The following TLK2 variants were observed in gnomAD, a reference collection of about 807,000 sequenced individuals.
TLK2 encodes the protein tousled like kinase 2.
Under a neutral mutation model 117.3 loss-of-function variants are expected in TLK2, and 6 were observed. That is an observed-to-expected ratio of 0.05 (90% CI 0.03 to 0.10). The LOEUF is 0.10. Ranked by LOEUF, TLK2 falls within the 10% of genes least tolerant of loss-of-function variation. The probability of loss-of-function intolerance (pLI) is 1.00; values close to 1 mark genes in which losing one functional copy is unlikely to be tolerated. For missense variants in TLK2, 299 were observed against 901.2 expected, an observed-to-expected ratio of 0.33 and a Z score of 8.56; for synonymous variants, 257 against 316.7, an observed-to-expected ratio of 0.81 and a Z score of 2.00.
At chr17:62,524,589 T>C (rs2076252391) in intron 6 of TLK2, among the ~76,000 whole-genome samples, 1 of 152,236 alleles carries the variant, frequency 6.6e-6, no homozygotes, top group Non-Finnish European at 1.5e-5. Context: ...TATCAAAGAA[T>C]TGATTCCAAT....
At chr17:62,539,573 G>A (rs533992818) in intron 7 of TLK2, among the ~76,000 whole-genome samples, 51 of 149,274 alleles carry the variant, frequency 3.4e-4, no homozygotes, top group African/African-American at 1.1e-3. Context: ...TCCATCTCCT[G>A]GGCTCAAGCG....
Position 62,568,706 on chromosome 17 carries a change from T to C in TLK2, c.968+3569T>C, listed in dbSNP as rs144611966. On this transcript the variant is annotated intron_variant, in intron 11 of 21. Coordinates refer to ENST00000346027, the MANE Select transcript of TLK2 (RefSeq NM_006852.6). ...TTCAAGTGATTCTCCTGCCTCAGCC[T>C]CCTCAGTAGCTGGGATTACAGGTGC... Among the ~76,000 whole-genome samples the C allele has an allele frequency of 2.9e-4, 44 of 152,014 alleles. No homozygotes were observed. The East Asian group carries it at 8.8e-3, about 30-fold the overall frequency.
chr17:62,539,642 G>A (rs553902252), intron 7 of TLK2, among the ~76,000 whole-genome samples: 1 of 152,100 alleles, frequency 6.6e-6, no homozygotes, highest in Admixed American at 6.5e-5. Flanking sequence ...ACCACGCCTG[G>A]CTGATTTTTG....
chr17:62,525,623 A>AT (rs1242650861), intron 6 of TLK2, among the ~76,000 whole-genome samples: 6 of 151,772 alleles, frequency 4.0e-5, no homozygotes, highest in Non-Finnish European at 7.4e-5. Flanking sequence ...TAATTTTTGT[A>AT]TTTTTTTGTA....
At chr17:62,513,555 G>A (rs2075328882) in intron 2 of TLK2, among the ~76,000 whole-genome samples, 1 of 151,778 alleles carries the variant, frequency 6.6e-6, no homozygotes, top group South Asian at 2.1e-4. Context: ...AAACTCCTGG[G>A]CTCAAGTGAT....
At chr17:62,549,528 G>T (rs1405340499) in intron 7 of TLK2, among the ~76,000 whole-genome samples, 1 of 150,124 alleles carries the variant, frequency 6.7e-6, no homozygotes, top group African/African-American at 2.4e-5. Flanking sequence ...GTATCCTAGT[G>T]CATTATAATA....
intron 2 of TLK2, among the ~76,000 whole-genome samples, chr17:62,511,839 A>G (rs1396969628): frequency 6.6e-6 from 1 of 152,100 alleles, no homozygotes; most frequent in Non-Finnish European, 1.5e-5. Flanking sequence ...GTTTGTTTCC[A>G]GTTTTTGGCT....
chr17:62,591,862 A>G (rs2082105963), intron 16 of TLK2, among the ~76,000 whole-genome samples: 1 of 152,060 alleles, frequency 6.6e-6, no homozygotes, highest in Non-Finnish European at 1.5e-5. Context: ...GTCTTTTCCA[A>G]CTAGCCTTAT....
rs2083917083 is a variant in TLK2 at position 62,613,209 on chromosome 17, T to G, written c.*644T>G. On this transcript the variant is annotated 3_prime_UTR_variant, in exon 22 of 22. Coordinates refer to ENST00000346027, the MANE Select transcript of TLK2 (RefSeq NM_006852.6). The stretch of plus-strand genomic sequence containing the variant: ...ATTTGGTCATAAAGTGAAACCCGTA[T>G]TAGCAAGTACGTGGCAATGTTCATT... 1 of 152,680 alleles carries G rather than the reference T, an allele frequency of 6.5e-6. No homozygotes were observed. Among genetic ancestry groups the G allele is most frequent in the South Asian group, 2.1e-4 (1 of 4,836 alleles). The allele number at this position is 152,680 out of a possible 1,614,324, so 9.5% of individuals were successfully genotyped here.
chr17:62,470,963 C>CAGCCAGGTGCAGGCACTGTCATGTT (rs1309169656), exon 1 of TLK2: 2 of 152,420 alleles, frequency 1.3e-5, no homozygotes, highest in East Asian at 3.8e-4. Context: ...CCTGACAGTT[C>CAGCCAGGTGCAGGCACTGTCATGTT]AGCCAGGTGC....
intron 11 of TLK2, among the ~76,000 whole-genome samples, chr17:62,570,860 G>T (rs949663976): frequency 6.6e-6 from 1 of 152,070 alleles, no homozygotes; most frequent in Non-Finnish European, 1.5e-5. Context: ...TTTGATGAAG[G>T]TGATTGCTAA....
At chr17:62,476,031 G>GA (rs1352830259), upstream of TLK2, among the ~76,000 whole-genome samples, 2 of 151,894 alleles carry the variant, frequency 1.3e-5, no homozygotes, top group African/African-American at 2.4e-5. Flanking sequence ...AGAATGGAGT[G>GA]CAGTGGTGCC....
intron 3 of TLK2, 81 bp from the exon 4 acceptor site, chr17:62,522,123 A>G: frequency 7.0e-7 from 1 of 1,434,250 alleles, no homozygotes; most frequent in Non-Finnish European, 9.6e-7. Context: ...TATATATTCA[A>G]TATTTTGTGT....
intron 7 of TLK2, among the ~76,000 whole-genome samples, chr17:62,549,417 A>AAAAAAAAAAAAAAAAAAAG (rs2078227423): frequency 3.1e-5 from 1 of 32,600 alleles, no homozygotes; most frequent in Non-Finnish European, 7.4e-5. Context: ...AAAAAAAAAA[A>AAAAAAAAAAAAAAAAAAAG]AAAAAAAAAA....
At chr17:62,612,042 G>A (rs879000588) in intron 21 of TLK2, 1 of 165,410 alleles carries the variant, frequency 6.0e-6, no homozygotes, top group South Asian at 1.9e-4. Flanking sequence ...AAGTTAGATC[G>A]TTCCCATCCA....
At chr17:62,569,938 A>C (rs1238631445) in intron 11 of TLK2, among the ~76,000 whole-genome samples, 1 of 152,062 alleles carries the variant, frequency 6.6e-6, no homozygotes, top group Non-Finnish European at 1.5e-5. Context: ...TACTTCCTCA[A>C]ACCTTTAGGG....
At chr17:62,497,232 C>A (rs1364855964) in intron 2 of TLK2, among the ~76,000 whole-genome samples, 1 of 151,956 alleles carries the variant, frequency 6.6e-6, no homozygotes, top group Non-Finnish European at 1.5e-5. Flanking sequence ...TATGCACTTC[C>A]ACACTTCAGC....
intron 7 of TLK2, among the ~76,000 whole-genome samples, chr17:62,542,827 A>G (rs1040407781): frequency 6.6e-6 from 1 of 152,194 alleles, no homozygotes; most frequent in Non-Finnish European, 1.5e-5. Context: ...TTGATTTTTT[A>G]AAAAGGTAGT....
At chr17:62,605,187 C>T (rs544857997) in intron 19 of TLK2, among the ~76,000 whole-genome samples, 6 of 151,992 alleles carry the variant, frequency 3.9e-5, no homozygotes, top group East Asian at 1.9e-4. Context: ...ATTAGCCCAG[C>T]GTGGTGGCAC....
Sources: gnomAD v4.1 joint callset for allele counts (sites outside exome capture counted in the v4.1 genomes callset) on GRCh38, gnomAD v4.1.1 for gene constraint, MANE v1.5 for transcripts, NCBI Gene and HGNC (gene_info 2026-07-23, HGNC 2026-07-21) for gene names.